Variants in CFAP52 observed in about 807,000 individuals in gnomAD.
CFAP52 encodes cilia and flagella associated protein 52.
Under a neutral mutation model 70.5 loss-of-function variants are expected in CFAP52, and 57 were observed. The observed-to-expected ratio is 0.81, with a 90% CI of 0.65 to 1.01. The LOEUF (loss-of-function observed/expected upper bound fraction) is 1.01, where lower values mean the gene tolerates loss of function less well. Among genes scored for constraint, CFAP52 ranks in the 50% least tolerant of loss-of-function variants. CFAP52 has a pLI of 0.00. For missense variants in CFAP52, 785 were observed against 788.5 expected (o/e 1.00, Z 0.05); for synonymous variants, 267 against 292.5 (o/e 0.91, Z 0.89).
intron 1 of CFAP52, among the ~76,000 whole-genome samples, chr17:9,577,181 C>T (rs916336361): frequency 6.6e-6 from 1 of 152,174 alleles, no homozygotes; most frequent in African/African-American, 2.4e-5. Context: ...CCCCTGGGAC[C>T]AGCTAGGAAA....
intron 3 of CFAP52, among the ~76,000 whole-genome samples, chr17:9,591,030 C>CTTT (rs34888799): frequency 0.038 from 2,906 of 76,452 alleles, 123 homozygotes; most frequent in African/African-American, 0.056. Context: ...TTGCATGCAT[C>CTTT]TTTTTTTTTT....
In CFAP52 at chr17:9,587,916, G is replaced by A. The variant is rs188627526; in HGVS notation, c.407+1082G>A. Among the ~76,000 whole-genome samples, 353 of 152,284 alleles carry A rather than the reference G, an allele frequency of 2.3e-3. 2 individuals are homozygous for A. The highest frequency in any genetic ancestry group is 8.2e-3 in the African/African-American group (342 of 41,542). ...AGCCTCTGAGAAAAATACCATAAAA[G>A]TGGTTTTCAAAGTTGGCTGCATGTT... On this transcript the variant is annotated intron_variant, in intron 3 of 13. Transcript: ENST00000352665.
chr17:9,625,203 T>TA lies in CFAP52; in HGVS notation c.1026-3459dup, dbSNP rs142148256. On this transcript the variant is annotated intron_variant, in intron 8 of 13. Transcript: ENST00000352665. The stretch of plus-strand genomic sequence containing the variant: ...AGTAGAATCCTTAAAAAAAATCAAT[T>TA]AAAAAAAAAACACAGTAGAATCCTC... Among the ~76,000 whole-genome samples the TA allele has an allele frequency of 4.7e-3, 704 of 149,108 alleles. 5 individuals carry two copies. The highest frequency in any genetic ancestry group is 0.012 in the African/African-American group (501 of 40,648).
chr17:9,610,575 C>T (rs1385344760), intron 7 of CFAP52, among the ~76,000 whole-genome samples: 1 of 151,812 alleles, frequency 6.6e-6, no homozygotes, highest in Non-Finnish European at 1.5e-5. Context: ...CGCTCTGTTG[C>T]CCAGGCTGGA....
intron 4 of CFAP52, among the ~76,000 whole-genome samples, chr17:9,596,328 T>C (rs1909019078): frequency 6.6e-6 from 1 of 151,828 alleles, no homozygotes; most frequent in African/African-American, 2.4e-5. Context: ...CTTGAACTCC[T>C]GAGCTCAGGC....
intron 1 of CFAP52, chr17:9,584,148 T>C: frequency 1.7e-6 from 2 of 1,185,124 alleles, no homozygotes; most frequent in South Asian, 3.3e-5. Flanking sequence ...CCCAGAGTTG[T>C]TGGTCATTGT....
At chr17:9,582,394 C>G (rs147939471) in intron 1 of CFAP52, among the ~76,000 whole-genome samples, 159 of 152,218 alleles carry the variant, frequency 1.0e-3, no homozygotes, top group Admixed American at 2.5e-3. Context: ...TTTACATTTT[C>G]CTGGTTACTT....
rs376104539 is a variant in CFAP52 at position 9,576,920 on chromosome 17, C to G, written c.70+155C>G. Among the ~76,000 whole-genome samples, 438 of 152,356 alleles carry G rather than the reference C, an allele frequency of 2.9e-3. 2 individuals are homozygous for G. The highest frequency in any genetic ancestry group is 0.01 in the African/African-American group (420 of 41,592). ...ACACGCACAGGAGGACCCGCACAGCCTGACCTGCCCCAAGGCCTTGGAGAG... is the reference window on the plus strand; with the variant it reads ...ACACGCACAGGAGGACCCGCACAGCGTGACCTGCCCCAAGGCCTTGGAGAG... On this transcript the variant is annotated intron_variant, in intron 1 of 13. Coordinates refer to ENST00000352665, the MANE Select transcript of CFAP52 (RefSeq NM_145054.5).
At chr17:9,613,502 T>G (rs762620788) in intron 8 of CFAP52, among the ~76,000 whole-genome samples, 5 of 150,134 alleles carry the variant, frequency 3.3e-5, no homozygotes, top group African/African-American at 9.8e-5. Context: ...TTTGGGGGGT[T>G]TTTGTTTGTT....
At chr17:9,597,873 G>A (rs1263368174) in intron 4 of CFAP52, among the ~76,000 whole-genome samples, 1 of 151,514 alleles carries the variant, frequency 6.6e-6, no homozygotes, top group Admixed American at 6.6e-5. Context: ...AAGAAAGAAA[G>A]AAAGAAAAGA....
intron 11 of CFAP52, among the ~76,000 whole-genome samples, chr17:9,636,155 C>T (rs1323334691): frequency 7.2e-6 from 1 of 139,396 alleles, no homozygotes; most frequent in African/African-American, 2.7e-5. Context: ...GCCTGGGCAA[C>T]AAGAGTGAAA....
Position 9,613,110 on chromosome 17 carries a change from A to G in CFAP52, c.1025+631A>G, listed in dbSNP as rs146045510. 3.9e-3 allele frequency among the ~76,000 whole-genome samples: 591 copies of G among 152,100 alleles called. 4 individuals are homozygous for G. The highest frequency in any genetic ancestry group is 0.013 in the African/African-American group (556 of 41,504). On this transcript the variant is annotated intron_variant, in intron 8 of 13. Transcript: ENST00000352665. Reference sequence around the variant, plus strand: ...TTGGGTTTATCAGGCATATAGCCCCATCTTAAGACACGAAGTATCTGTGGT... The same window carrying G: ...TTGGGTTTATCAGGCATATAGCCCCGTCTTAAGACACGAAGTATCTGTGGT...
intron 8 of CFAP52, among the ~76,000 whole-genome samples, chr17:9,612,765 A>G (rs1246878770): frequency 6.6e-6 from 1 of 152,158 alleles, no homozygotes; most frequent in Non-Finnish European, 1.5e-5. Flanking sequence ...AATCCCATCC[A>G]GAGAAAGCTT....
At chr17:9,586,158 T>C (rs550816326) in intron 2 of CFAP52, among the ~76,000 whole-genome samples, 186 bp downstream of exon 2, 17 of 152,262 alleles carry the variant, frequency 1.1e-4, no homozygotes, top group East Asian at 5.8e-4. Context: ...GATGATTTTA[T>C]ACCCGAGGTT....
chr17:9,612,220 C>T, intron 7 of CFAP52, 89 bp from the exon 8 acceptor site: 1 of 1,483,952 alleles, frequency 6.7e-7, no homozygotes, highest in Non-Finnish European at 9.1e-7. Flanking sequence ...AATTATATGC[C>T]TGATTTGTAT....
At chr17:9,606,274 TGGGGA>T (rs1909485449) in intron 6 of CFAP52, among the ~76,000 whole-genome samples, 1 of 152,002 alleles carries the variant, frequency 6.6e-6, no homozygotes, top group South Asian at 2.1e-4. Flanking sequence ...TCCTGGCTAC[TGGGGA>T]GGCTGAGGCA....
chr17:9,593,137 A>G (rs1395841114), intron 3 of CFAP52, among the ~76,000 whole-genome samples: 2 of 152,184 alleles, frequency 1.3e-5, no homozygotes, highest in Non-Finnish European at 2.9e-5. Context: ...TTTTACATGA[A>G]CAAGATTTGT....
intron 5 of CFAP52, among the ~76,000 whole-genome samples, chr17:9,599,748 T>A (rs2151936079): frequency 6.6e-6 from 1 of 152,206 alleles, no homozygotes; most frequent in Non-Finnish European, 1.5e-5. Flanking sequence ...CTTCTTCTTT[T>A]TTTTTTTCCT....
chr17:9,589,344 C>A (rs1908639070), intron 3 of CFAP52, among the ~76,000 whole-genome samples: 2 of 152,138 alleles, frequency 1.3e-5, no homozygotes, highest in African/African-American at 4.8e-5. Context: ...TACTATATAG[C>A]AAGTCAACAA....
Sources: gnomAD v4.1 joint callset for allele counts (sites outside exome capture counted in the v4.1 genomes callset) on GRCh38, gnomAD v4.1.1 for gene constraint, MANE v1.5 for transcripts, NCBI Gene and HGNC (gene_info 2026-07-23, HGNC 2026-07-21) for gene names.